TTLL11: variants seen among roughly 807,000 people sequenced by gnomAD.
TTLL11 encodes tubulin tyrosine ligase like 11.
Under a neutral mutation model 51.7 loss-of-function variants are expected in TTLL11, and 42 were observed. That is an observed-to-expected ratio of 0.81 (90% CI 0.64 to 1.05). The LOEUF (loss-of-function observed/expected upper bound fraction) is 1.05. Ranked by LOEUF, TTLL11 falls within the 50% of genes least tolerant of loss-of-function variation. The pLI, the probability that TTLL11 is intolerant of heterozygous loss-of-function variation, is 0.00. For missense variants in TTLL11, 799 were observed against 940.4 expected (o/e 0.85, Z 1.97); for synonymous variants, 381 against 383.5 (o/e 0.99, Z 0.08).
At chr9:121,955,046 G>A (rs981167875) in intron 6 of TTLL11, among the ~76,000 whole-genome samples, 3 of 152,128 alleles carry the variant, frequency 2.0e-5, no homozygotes, top group Non-Finnish European at 2.9e-5. Flanking sequence ...GTTCTCCTAT[G>A]TGGTCAGAGC....
chr9:121,828,543 A>G (rs533360931), intron 8 of TTLL11, among the ~76,000 whole-genome samples: 1 of 152,196 alleles, frequency 6.6e-6, no homozygotes, highest in Middle Eastern at 3.4e-3. Flanking sequence ...AGCCTTTATA[A>G]CCATTATTTT....
intron 3 of TTLL11, among the ~76,000 whole-genome samples, chr9:121,992,003 G>T (rs1843129102): frequency 6.6e-6 from 1 of 152,154 alleles, no homozygotes; most frequent in Non-Finnish European, 1.5e-5. Context: ...AAGATCTCTT[G>T]TTCCTCCGCT....
At chr9:121,968,387 C>T (rs1402792227) in intron 6 of TTLL11, among the ~76,000 whole-genome samples, 1 of 152,160 alleles carries the variant, frequency 6.6e-6, no homozygotes, top group Non-Finnish European at 1.5e-5. Flanking sequence ...GAAACAGAAC[C>T]TTGCATTGGT....
In TTLL11 at chr9:121,890,197, T is replaced by A. The variant is rs746236646; in HGVS notation, c.1482-19449A>T. On this transcript the variant is annotated intron_variant, in intron 6 of 8. Transcript: ENST00000321582. The surrounding 1 kb of genome is among the most constrained non-coding windows in gnomAD (Gnocchi z 4.3). ...CTTTGTTCCTGACTCAGAGGAGGGA[T>A]TCCCCATCCATCCAGTGTCTGGGCC... Among the ~76,000 whole-genome samples the A allele has an allele frequency of 6.6e-5, 10 of 152,272 alleles. No homozygotes were observed. In the South Asian group the frequency reaches 8.3e-4, roughly 13 times the overall value.
chr9:122,064,633 C>T lies in TTLL11; in HGVS notation c.463-25265G>A, dbSNP rs576874094. Among the ~76,000 whole-genome samples the T allele has an allele frequency of 1.2e-3, 184 of 152,142 alleles. 1 individual carries two copies. Among genetic ancestry groups the T allele is most frequent in the African/African-American group, 4.3e-3 (180 of 41,492 alleles). ...GGGTGTGCAATAATAAACAATAGAG[C>T]CATGGTTTCTGCTTTTGTTGAGCTT... On this transcript the variant is annotated intron_variant, in intron 1 of 8. Transcript: ENST00000321582.
In TTLL11 at chr9:122,014,158, A is replaced by C. The variant is rs1159890586; in HGVS notation, c.693+17565T>G. 2.0e-5 allele frequency among the ~76,000 whole-genome samples: 3 copies of C among 152,120 alleles called. No homozygotes were observed. In the East Asian group the frequency reaches 5.8e-4, roughly 29 times the overall value. ...GGTGGGCAGATCACTTAAGGCCAGG[A>C]GTTCGAGAGCAGCCTGGCCAACATA... On this transcript the variant is annotated intron_variant, in intron 3 of 8. Transcript: ENST00000321582.
At chr9:122,061,649 T>G (rs1044015044) in intron 1 of TTLL11, among the ~76,000 whole-genome samples, 1 of 150,142 alleles carries the variant, frequency 6.7e-6, no homozygotes, top group Middle Eastern at 3.4e-3. Flanking sequence ...TTTTGTTTTC[T>G]TTTTTTGAGA....
At chr9:121,962,807 C>T (rs535380281) in intron 6 of TTLL11, among the ~76,000 whole-genome samples, 7 of 152,256 alleles carry the variant, frequency 4.6e-5, no homozygotes, top group South Asian at 4.1e-4. Context: ...ATAAAGTCAC[C>T]GCCTCACTGA....
At chr9:121,848,700 A>G (rs1413565597) in intron 8 of TTLL11, among the ~76,000 whole-genome samples, 7 of 152,206 alleles carry the variant, frequency 4.6e-5, no homozygotes, top group Admixed American at 4.6e-4. Context: ...TAAATCTAAG[A>G]GAATATGTGC....
rs1179101534 is a variant in TTLL11, at chr9:121,822,960, A to T, written c.1841-81T>A. On this transcript the variant is annotated intron_variant, in intron 8 of 8. Transcript: ENST00000321582. The surrounding 1 kb of genome is among the most constrained non-coding windows in gnomAD (Gnocchi z 5.8). Reference sequence around the variant, plus strand: ...GGAAGGCCCACCTCCAGCCACAAGGATGTCAGCAAGAGCTAGCCCCGCTCC... The same window carrying T: ...GGAAGGCCCACCTCCAGCCACAAGGTTGTCAGCAAGAGCTAGCCCCGCTCC... The T allele has an allele frequency of 7.0e-7, 1 of 1,432,230 alleles. No homozygotes were observed. Among genetic ancestry groups the T allele is most frequent in the Non-Finnish European group, 9.3e-7 (1 of 1,077,616 alleles). 88.7% of individuals were successfully genotyped at this position (1,432,230 alleles called of 1,614,324 possible). A position where few individuals can be genotyped will look rare whatever the true frequency, so the allele number is the denominator to read the frequency against.
chr9:121,894,407 G>T (rs1839377015), intron 6 of TTLL11, among the ~76,000 whole-genome samples: 1 of 152,124 alleles, frequency 6.6e-6, no homozygotes, highest in African/African-American at 2.4e-5. Context: ...TATACCCGAA[G>T]GATTATAAAT....
chr9:121,926,636 C>CG (rs1292519457), intron 6 of TTLL11, among the ~76,000 whole-genome samples: 4 of 152,156 alleles, frequency 2.6e-5, no homozygotes, highest in Non-Finnish European at 5.9e-5. Flanking sequence ...AGTGGGGCTT[C>CG]GGGGCCAAGG....
intron 6 of TTLL11, among the ~76,000 whole-genome samples, chr9:121,909,375 A>T (rs1386155905): frequency 3.3e-5 from 5 of 152,028 alleles, no homozygotes; most frequent in Admixed American, 2.6e-4. Context: ...GAACATCTGG[A>T]GTCTACTGTT....
At chr9:122,018,526 C>A (rs1486358674) in intron 3 of TTLL11, among the ~76,000 whole-genome samples, 2 of 152,200 alleles carry the variant, frequency 1.3e-5, no homozygotes, top group Non-Finnish European at 2.9e-5. Flanking sequence ...GCATTCATTG[C>A]ATTTCATCAT....
intron 1 of TTLL11, among the ~76,000 whole-genome samples, chr9:122,048,972 C>A (rs1476445757): frequency 1.3e-5 from 2 of 151,778 alleles, no homozygotes; most frequent in Admixed American, 1.3e-4. Flanking sequence ...TGTTTTTAAC[C>A]TTTCTGAGGT....
At chr9:121,869,335 T>G (rs529944815) in intron 7 of TTLL11, among the ~76,000 whole-genome samples, 1 of 152,352 alleles carries the variant, frequency 6.6e-6, no homozygotes, top group South Asian at 2.1e-4. Flanking sequence ...TCAAGACTTC[T>G]AATTATTTTA....
At chr9:121,958,884 G>A (rs1477061172) in intron 6 of TTLL11, among the ~76,000 whole-genome samples, 4 of 152,140 alleles carry the variant, frequency 2.6e-5, no homozygotes, top group Non-Finnish European at 5.9e-5. Context: ...CGCTGGGGAA[G>A]CCTGGAGAAG....
intron 3 of TTLL11, among the ~76,000 whole-genome samples, chr9:122,008,138 AAC>A (rs748241792): frequency 2.0e-5 from 3 of 152,318 alleles, no homozygotes; most frequent in Middle Eastern, 6.8e-3. Context: ...AATGTCATGA[AAC>A]ACAAAGAAAG....
intron 6 of TTLL11, among the ~76,000 whole-genome samples, chr9:121,942,536 C>G (rs548178785): frequency 2.0e-5 from 3 of 152,158 alleles, no homozygotes; most frequent in African/African-American, 7.2e-5. Flanking sequence ...GCCCGGTACA[C>G]AGTGATTGCT....
Sources: gnomAD v4.1 joint callset for allele counts (sites outside exome capture counted in the v4.1 genomes callset) on GRCh38, gnomAD v4.1.1 for gene constraint, Gnocchi (gnomAD v3.1) non-coding constraint, MANE v1.5 for transcripts, NCBI Gene and HGNC (gene_info 2026-07-23, HGNC 2026-07-21) for gene names.